The following TIMM23 variants were observed in gnomAD, a reference collection of about 807,000 sequenced individuals.
TIMM23 encodes mitochondrial import inner membrane translocase subunit Tim23.
A neutral mutation model predicts 30.7 loss-of-function variants in TIMM23; 19 were observed. That is an observed-to-expected ratio of 0.62 (90% CI 0.43 to 0.91). TIMM23 has a LOEUF of 0.91. Among genes scored for constraint, TIMM23 ranks in the 40% least tolerant of loss-of-function variants. The pLI is 0.00. For synonymous variants in TIMM23, 78 were observed against 98.5 expected (o/e 0.79, Z 1.23); for missense variants, 202 against 269.2 (o/e 0.75, Z 1.75).
chr10:46,000,239 C>T (rs554474292), intron 6 of TIMM23, among the ~76,000 whole-genome samples: 102 of 152,308 alleles, frequency 6.7e-4, no homozygotes, highest in African/African-American at 2.2e-3. Context: ...GATAAGTGTC[C>T]ATGAAATCTT....
At chr10:45,974,891 C>A (rs1554912654) in intron 1 of TIMM23, among the ~76,000 whole-genome samples, 10 of 151,554 alleles carry the variant, frequency 6.6e-5, no homozygotes, top group African/African-American at 2.4e-4. Flanking sequence ...TCAGGTCTGG[C>A]CCTCTCAAAG....
chr10:45,981,371 TCAAA>T (rs1263467512), intron 2 of TIMM23, among the ~76,000 whole-genome samples: 8 of 148,426 alleles, frequency 5.4e-5, no homozygotes, highest in African/African-American at 2.0e-4. Flanking sequence ...TTCTAAAAAC[TCAAA>T]CAAAAAGCAG....
chr10:45,988,637 A>C (rs1405926763), intron 5 of TIMM23, 100 bp from the exon 6 acceptor site: 5 of 791,560 alleles, frequency 6.3e-6, no homozygotes, highest in Non-Finnish European at 6.8e-6. Flanking sequence ...GGGCTATGGG[A>C]GTTATGAGCT....
chr10:46,002,439 G>T, intron 6 of TIMM23: 1 of 914,838 alleles, frequency 1.1e-6, no homozygotes, highest in Non-Finnish European at 1.3e-6. Context: ...AAAGTGCTGG[G>T]ATTACATGTG....
intron 6 of TIMM23, among the ~76,000 whole-genome samples, chr10:45,996,701 A>G (rs1838343736): frequency 6.6e-6 from 1 of 152,194 alleles, no homozygotes; most frequent in African/African-American, 2.4e-5. Flanking sequence ...CAACAGCCAT[A>G]CAGGCTGGGT....
At chr10:45,974,248 A>G (rs1837597411) in intron 1 of TIMM23, among the ~76,000 whole-genome samples, 1 of 152,238 alleles carries the variant, frequency 6.6e-6, no homozygotes, top group East Asian at 1.9e-4. Context: ...CATAAATTAA[A>G]ACATTGCCGT....
intron 6 of TIMM23, among the ~76,000 whole-genome samples, chr10:46,001,211 T>C (rs1207043005): frequency 6.6e-6 from 1 of 152,162 alleles, no homozygotes; most frequent in African/African-American, 2.4e-5. Flanking sequence ...TTCAACCACA[T>C]TGAATACAGT....
At position 45,986,797 on chromosome 10, in the gene TIMM23, A is replaced by G. The variant is rs1229085934; in HGVS notation, c.403+1356A>G. 2.5e-5 allele frequency among the ~76,000 whole-genome samples: 3 copies of G among 122,088 alleles called. No individual in the cohort carries two copies. In the East Asian group the frequency reaches 7.0e-4, roughly 28 times the overall value. 80.1% of individuals were successfully genotyped at this position (122,088 alleles called of 152,430 possible). The stretch of plus-strand genomic sequence containing the variant: ...TTTTTAATCTATTTTTTCTTATACT[A>G]GAAATACGTGTGTGTGTGTGTGTGT... On this transcript the variant is annotated intron_variant, in intron 5 of 6. Transcript: ENST00000580018.
rs61849494 is a variant in TIMM23 at position 45,982,565 on chromosome 10, C to T, written c.208C>T (p.Arg70Trp). The T allele has an allele frequency of 2.5e-6, 4 of 1,613,722 alleles. No individual in the cohort carries two copies. Among genetic ancestry groups the T allele is most frequent in the South Asian group, 1.1e-5 (1 of 91,068 alleles). Residue 70 changes from arginine (R) to tryptophan (W), a missense_variant, in exon 3 of 7, where the codon CGG (arginine) becomes TGG (tryptophan). Arg to Trp is a moderately radical substitution (Grantham distance 101, BLOSUM62 -3). Coordinates refer to ENST00000580018, the MANE Select transcript of TIMM23 (RefSeq NM_006327.4). ...FILPTGANKT[R>W]GRFELAFFTI... ...TTTACCTACCGGAGCTAATAAAACC[C>T]GGGGCAGATTTGAGCTGGCCTTCTT...
chr10:45,985,417 T>C lies in TIMM23; in HGVS notation c.379T>C (p.Trp127Arg). Residue 127 changes from tryptophan (W) to arginine (R), a missense_variant, in exon 5 of 7, where the codon TGG (tryptophan) becomes CGG (arginine). Transcript: ENST00000580018. ...LNMVTRQGAL[W>R]ANTLGSLALL... ...TATGGTGACTAGGCAAGGGGCACTT[T>C]GGGCTAATACTCTAGGTTCTCTGGG... is the stretch of plus-strand genomic sequence containing the variant. 5 of 1,613,564 alleles carry C rather than the reference T, an allele frequency of 3.1e-6. No homozygotes were observed. The highest frequency in any genetic ancestry group is 4.2e-6 in the Non-Finnish European group (5 of 1,179,598).
In TIMM23 at chr10:45,975,991, G is replaced by A. The variant is rs76394360; in HGVS notation, c.165+479G>A. Among the ~76,000 whole-genome samples, 144 of 152,194 alleles carry A rather than the reference G, an allele frequency of 9.5e-4. 1 individual carries two copies. Among genetic ancestry groups the A allele is most frequent in the African/African-American group, 3.2e-3 (133 of 41,522 alleles). On this transcript the variant is annotated intron_variant, in intron 2 of 6. Transcript: ENST00000580018. ...TAATTCTTGTGTTTTCAATAGAGAC[G>A]GGGTTTCACCATGTTGGCCAGGCTC...
rs1477036516 is a variant in TIMM23 at position 45,997,897 on chromosome 10, AGGT to A, written c.515-5302_515-5300del. Among the ~76,000 whole-genome samples the A allele has an allele frequency of 1.5e-4, 23 of 152,306 alleles. No individual in the cohort carries two copies. In the East Asian group the frequency reaches 4.2e-3, roughly 28 times the overall value. On this transcript the variant is annotated intron_variant, in intron 6 of 6. Transcript: ENST00000580018. The stretch of plus-strand genomic sequence containing the variant: ...TGAAATGTACACTTAAAAATGGTTA[AGGT>A]GGTAAAATTTATGTTACATGTATTG...
intron 1 of TIMM23, among the ~76,000 whole-genome samples, chr10:45,973,854 T>C (rs1837579994): frequency 6.6e-6 from 1 of 151,570 alleles, no homozygotes; most frequent in African/African-American, 2.4e-5. Flanking sequence ...GGTCTCCCTG[T>C]GTTGTCCAAG....
At chr10:45,978,772 A>G (rs1275994920) in intron 2 of TIMM23, among the ~76,000 whole-genome samples, 1 of 152,034 alleles carries the variant, frequency 6.6e-6, no homozygotes, top group African/African-American at 2.4e-5. Flanking sequence ...ATGACTGGCA[A>G]TTTCACTTGC....
chr10:45,975,672 C>G (rs1837653668), intron 2 of TIMM23, among the ~76,000 whole-genome samples, 160 bp downstream of exon 2: 2 of 152,158 alleles, frequency 1.3e-5, no homozygotes, highest in African/African-American at 4.8e-5. Flanking sequence ...GCTTGGCCTG[C>G]ATCTCTCTGA....
At position 45,975,206 on chromosome 10, in the gene TIMM23, T is replaced by A. The variant is rs587695206; in HGVS notation, c.107-248T>A. On this transcript the variant is annotated intron_variant, in intron 1 of 6. Transcript: ENST00000580018. ...CCTGTAAGTTCAAAAATCAGATCTA[T>A]GACACTGCAATTATCTTATTGGTGT... is the stretch of plus-strand genomic sequence containing the variant. Among the ~76,000 whole-genome samples, 4 of 152,362 alleles carry A rather than the reference T, an allele frequency of 2.6e-5. No homozygotes were observed. The East Asian group carries it at 7.7e-4, about 29-fold the overall frequency.
At chr10:45,992,883 C>A (rs1357671085) in intron 6 of TIMM23, among the ~76,000 whole-genome samples, 2 of 152,084 alleles carry the variant, frequency 1.3e-5, no homozygotes, top group Non-Finnish European at 2.9e-5. Flanking sequence ...GTGGCTCTAT[C>A]TTCTCTGTAA....
chr10:45,986,571 C>T (rs77676710), intron 5 of TIMM23, among the ~76,000 whole-genome samples: 7,657 of 152,196 alleles, frequency 0.05, 248 homozygotes, highest in Middle Eastern at 0.15. Flanking sequence ...TATAAAAATA[C>T]TGCAGTAGAG....
Position 45,991,751 on chromosome 10 carries a change from C to CA in TIMM23, c.514+2915dup, listed in dbSNP as rs1175540265. ...GGGCAATAAGAGTGAAACTCTGTCT[C>CA]AAAAAAAAAAAGAAAAGAAAAAAGA... On this transcript the variant is annotated intron_variant, in intron 6 of 6. Coordinates refer to ENST00000580018, the MANE Select transcript of TIMM23 (RefSeq NM_006327.4). Among the ~76,000 whole-genome samples, 872 of 133,840 alleles carry CA rather than the reference C, an allele frequency of 6.5e-3. 14 individuals carry two copies. The highest frequency in any genetic ancestry group is 0.021 in the African/African-American group (768 of 36,266). The allele number at this position is 133,840 out of a possible 152,430, so 87.8% of individuals were successfully genotyped here.
Sources: allele counts gnomAD v4.1 joint callset (sites outside exome capture counted in the v4.1 genomes callset), GRCh38; gene constraint gnomAD v4.1.1; transcripts MANE v1.5; gene names NCBI Gene and HGNC (gene_info 2026-07-23, HGNC 2026-07-21).